The following NRL variants were observed in gnomAD, a reference collection of about 807,000 sequenced individuals.
The protein encoded by NRL is neural retina-specific leucine zipper protein.
In NRL, 16 loss-of-function variants were observed where a neutral mutation model predicts 12.5. The ratio of observed to expected loss-of-function variants is 1.28; its 90% CI spans 0.87 to 1.95. NRL has a LOEUF of 1.95. NRL is among the 30% of genes most tolerant of loss of function. NRL has a pLI of 0.00. For synonymous variants in NRL, 142 were observed against 150.9 expected, an observed-to-expected ratio of 0.94 and a Z score of 0.43; for missense variants, 314 against 325.8, an observed-to-expected ratio of 0.96 and a Z score of 0.28.
At chr14:24,100,593 AAAGG>A in intron 1 of NRL, 1 of 1,084,540 alleles carries the variant, frequency 9.2e-7, no homozygotes, top group Non-Finnish European at 1.1e-6. Flanking sequence ...AATGAAAGGA[AAAGG>A]AAGGACTTTT....
Position 24,082,466 on chromosome 14 carries a change from A to C in NRL, c.381+2T>G, listed in dbSNP as rs773441737. The C allele has an allele frequency of 1.9e-6, 3 of 1,611,674 alleles. No individual in the cohort carries two copies. ...CCTCAGGCCAGCTTGCTGACCACTC[A>C]CCTGGACGTGCTGGGCTCCTGTCTC... On this transcript the variant is annotated splice_donor_variant, in intron 2 of 2. Coordinates refer to ENST00000561028, the MANE Select transcript of NRL (RefSeq NM_001354768.3). LOFTEE classifies it high-confidence loss of function.
chr14:24,102,460 C>T (rs1373862695), intron 1 of NRL, among the ~76,000 whole-genome samples: 1 of 152,118 alleles, frequency 6.6e-6, no homozygotes, highest in African/African-American at 2.4e-5. Context: ...CCCTTGAGCC[C>T]TGGTCAGTGC....
intron 1 of NRL, chr14:24,103,953 C>T (rs2037279451): frequency 6.2e-7 from 1 of 1,613,038 alleles, no homozygotes. Context: ...GAGACGTGTG[C>T]ACAAAATGTG....
chr14:24,099,199 T>C, intron 1 of NRL: 1 of 1,602,462 alleles, frequency 6.2e-7, no homozygotes, highest in Non-Finnish European at 8.5e-7. Flanking sequence ...GCCTCTCGGC[T>C]GGCCCGGGAT....
chr14:24,098,191 CCT>C (rs2036980901), intron 1 of NRL: 1 of 1,582,978 alleles, frequency 6.3e-7, no homozygotes, highest in Admixed American at 1.8e-5. Flanking sequence ...CTGACAATCC[CCT>C]CTCCCCCAGC....
chr14:24,102,737 G>A (rs778357924), intron 1 of NRL: 1 of 1,608,850 alleles, frequency 6.2e-7, no homozygotes, highest in South Asian at 1.1e-5. Flanking sequence ...AATAGTGTTT[G>A]TATTTCCTCT....
At chr14:24,099,295 C>G (rs543659783) in intron 1 of NRL, 3 of 1,491,248 alleles carry the variant, frequency 2.0e-6, no homozygotes, top group Non-Finnish European at 2.7e-6. Context: ...TGGGGCCTGG[C>G]CAGTCTGCCT....
Position 24,085,876 on chromosome 14 carries a change from C to T in NRL, c.-27-3001G>A, listed in dbSNP as rs1044778207. Among the ~76,000 whole-genome samples, 7 of 152,274 alleles carry T rather than the reference C, an allele frequency of 4.6e-5. No individual in the cohort carries two copies. Among genetic ancestry groups the T allele is most frequent in the Non-Finnish European group, 7.3e-5 (5 of 68,032 alleles). ...CTTAAATCTACTGAGTCAGAAACTC[C>T]GGGGGTGGGGCCCAGAAATCTGTGT... On this transcript the variant is annotated intron_variant, in intron 1 of 2. Transcript: ENST00000561028. The surrounding 1 kb of genome is among the most constrained non-coding windows in gnomAD (Gnocchi z 4.1).
At chr14:24,103,952 G>A in intron 1 of NRL, 4 of 1,613,250 alleles carry the variant, frequency 2.5e-6, no homozygotes, top group Non-Finnish European at 2.5e-6. Flanking sequence ...AGAGACGTGT[G>A]CACAAAATGT....
chr14:24,108,097 G>A lies in NRL; in HGVS notation c.-28+6625C>T, dbSNP rs1390237950. On this transcript the variant is annotated intron_variant, in intron 1 of 2. Coordinates refer to ENST00000561028, the MANE Select transcript of NRL (RefSeq NM_001354768.3). The stretch of plus-strand genomic sequence containing the variant: ...ACATGATACATACTCCTTGCTTCCC[G>A]GCTATCTGGTATAAGTTGCTCCATG... Among the ~76,000 whole-genome samples, 4 of 152,228 alleles carry A rather than the reference G, an allele frequency of 2.6e-5. No individual in the cohort carries two copies. In the South Asian group the frequency reaches 6.2e-4, roughly 24 times the overall value.
chr14:24,113,783 G>A (rs535762266), intron 1 of NRL, among the ~76,000 whole-genome samples: 135 of 152,358 alleles, frequency 8.9e-4, no homozygotes, highest in Non-Finnish European at 6.2e-4. Flanking sequence ...CTCACTGGGA[G>A]AGGCCCCAGG....
chr14:24,103,368 C>A (rs1195973969), intron 1 of NRL: 2 of 1,136,286 alleles, frequency 1.8e-6, no homozygotes, highest in Non-Finnish European at 2.6e-6. Context: ...ATGGCCCCAC[C>A]TCTTCCCACT....
In NRL at chr14:24,089,206, G is replaced by A. The variant is rs547101011; in HGVS notation, c.-27-6331C>T. Among the ~76,000 whole-genome samples, 24 of 152,148 alleles carry A rather than the reference G, an allele frequency of 1.6e-4. 1 individual carries two copies. The highest frequency in any genetic ancestry group is 1.6e-3 in the Admixed American group (24 of 15,286). Reference sequence around the variant, plus strand: ...CCCGCCTCAGCCTCCCAAAGCGCTGGGGTTATAGGCATGAGCCACTGCGCC... The same window carrying A: ...CCCGCCTCAGCCTCCCAAAGCGCTGAGGTTATAGGCATGAGCCACTGCGCC... On this transcript the variant is annotated intron_variant, in intron 1 of 2. Coordinates refer to ENST00000561028, the MANE Select transcript of NRL (RefSeq NM_001354768.3).
At chr14:24,111,638 A>AT in intron 1 of NRL, among the ~76,000 whole-genome samples, 1 of 152,118 alleles carries the variant, frequency 6.6e-6, no homozygotes, top group East Asian at 1.9e-4. Flanking sequence ...AAGTGCTGGG[A>AT]TTACAGGCGT....
At position 24,094,859 on chromosome 14, in the gene NRL, G is replaced by A. The variant is rs1405999336; in HGVS notation, c.-27-11984C>T. ...CTGGGGACAAGGGTACGTGAGCCCC[G>A]GGAGACTAAGCTCAGAGCCCCCTAA... On this transcript the variant is annotated intron_variant, in intron 1 of 2. Coordinates refer to ENST00000561028, the MANE Select transcript of NRL (RefSeq NM_001354768.3). The surrounding 1 kb of genome is among the most constrained non-coding windows in gnomAD (Gnocchi z 4.1). The A allele has an allele frequency of 5.4e-6, 7 of 1,304,272 alleles. No homozygotes were observed. The highest frequency in any genetic ancestry group is 3.0e-5 in the African/African-American group (2 of 66,482). The allele number at this position is 1,304,272 out of a possible 1,614,324, so 80.8% of individuals were successfully genotyped here.
At chr14:24,098,520 C>A in intron 1 of NRL, 1 of 1,614,120 alleles carries the variant, frequency 6.2e-7, no homozygotes, top group Non-Finnish European at 8.5e-7. Flanking sequence ...CCTGTGGGCT[C>A]CCCGCTGTCC....
At chr14:24,091,275 T>C (rs2036624445) in intron 1 of NRL, among the ~76,000 whole-genome samples, 1 of 152,060 alleles carries the variant, frequency 6.6e-6, no homozygotes, top group South Asian at 2.1e-4. Context: ...CTCAGCCTCC[T>C]GAGTAGCTGG....
intron 1 of NRL, among the ~76,000 whole-genome samples, chr14:24,107,621 AT>A (rs2037358953): frequency 6.6e-6 from 1 of 151,954 alleles, no homozygotes; most frequent in South Asian, 2.1e-4. Flanking sequence ...CCCATTTAAA[AT>A]TTTTTTCATA....
intron 1 of NRL, among the ~76,000 whole-genome samples, chr14:24,113,916 G>A (rs1224797122): frequency 6.6e-6 from 1 of 152,260 alleles, no homozygotes; most frequent in Non-Finnish European, 1.5e-5. Flanking sequence ...CGGACCCTGA[G>A]CCTCTGAGCC....
Sources: gnomAD v4.1 joint callset for allele counts (sites outside exome capture counted in the v4.1 genomes callset) on GRCh38, gnomAD v4.1.1 for gene constraint, Gnocchi (gnomAD v3.1) non-coding constraint, MANE v1.5 for transcripts, NCBI Gene and HGNC (gene_info 2026-07-23, HGNC 2026-07-21) for gene names.